The following DNM3 variants were observed in gnomAD, a reference collection of about 807,000 sequenced individuals.
DNM3 encodes dynamin 3, also known as dynamin-3.
DNM3 carries 47 observed loss-of-function variants against 101.6 expected under a neutral mutation model. The ratio of observed to expected loss-of-function variants is 0.46; its 90% CI spans 0.37 to 0.59. DNM3 has a LOEUF of 0.59. DNM3 is among the 20% of genes least tolerant of loss of function. DNM3 has a pLI of 0.00. For missense variants in DNM3, 849 were observed against 1,085.7 expected (o/e 0.78, Z 3.06); for synonymous variants, 385 against 387.9 (o/e 0.99, Z 0.09).
intron 1 of DNM3, among the ~76,000 whole-genome samples, chr1:171,871,661 A>G (rs1213604744): frequency 2.6e-5 from 4 of 152,198 alleles, no homozygotes; most frequent in African/African-American, 7.2e-5. Context: ...TATAAGTTAC[A>G]TACCCTAATT....
chr1:172,115,231 C>G (rs1390620961), intron 13 of DNM3, among the ~76,000 whole-genome samples: 2 of 151,924 alleles, frequency 1.3e-5, no homozygotes, highest in African/African-American at 2.4e-5. Context: ...CTGCAGAGAG[C>G]TCTCATTCCT....
intron 2 of DNM3, 114 bp from the exon 3 acceptor site, chr1:171,987,542 C>A: frequency 8.9e-7 from 1 of 1,128,898 alleles, no homozygotes; most frequent in Non-Finnish European, 1.2e-6. Flanking sequence ...GTGGGATGTT[C>A]ATGAAGGAAG....
At chr1:172,388,329 G>A (rs2069318258) in intron 19 of DNM3, among the ~76,000 whole-genome samples, 1 of 152,178 alleles carries the variant, frequency 6.6e-6, no homozygotes, top group Non-Finnish European at 1.5e-5. Context: ...TTATACAAAT[G>A]TAGAATACAG....
intron 1 of DNM3, among the ~76,000 whole-genome samples, chr1:171,888,533 T>G (rs974060186): frequency 6.6e-6 from 1 of 152,130 alleles, no homozygotes; most frequent in African/African-American, 2.4e-5. Context: ...TGACCTCGAG[T>G]AAATAATTTA....
At position 172,408,430 on chromosome 1, in the gene DNM3, G is replaced by C; in HGVS notation, c.*589G>C. 1.0e-6 allele frequency: 1 copy of C among 985,706 alleles called. No individual in the cohort carries two copies. Among genetic ancestry groups the C allele is most frequent in the Non-Finnish European group, 1.2e-6 (1 of 830,158 alleles). 61.1% of individuals were successfully genotyped at this position (985,706 alleles called of 1,614,324 possible). ...GCACGAGGTAGTTTGCAAAGGAAAA[G>C]TCTGCACTGTTTGCTCTAAAGAGCT... On this transcript the variant is annotated 3_prime_UTR_variant, in exon 21 of 21. Coordinates refer to ENST00000627582, the MANE Select transcript of DNM3 (RefSeq NM_015569.5).
intron 13 of DNM3, among the ~76,000 whole-genome samples, chr1:172,127,491 C>G (rs574139885): frequency 1.3e-5 from 2 of 151,446 alleles, no homozygotes; most frequent in South Asian, 2.1e-4. Context: ...TCACTGCAAC[C>G]TCTGCCTCCT....
intron 2 of DNM3, among the ~76,000 whole-genome samples, chr1:171,954,800 G>A (rs545572276): frequency 7.9e-5 from 12 of 152,300 alleles, no homozygotes; most frequent in African/African-American, 2.9e-4. Flanking sequence ...ATTTCAAGTA[G>A]AATAACTAGA....
intron 1 of DNM3, among the ~76,000 whole-genome samples, chr1:171,854,697 C>T (rs955701816): frequency 2.0e-5 from 3 of 151,970 alleles, no homozygotes; most frequent in Non-Finnish European, 4.4e-5. Flanking sequence ...CTGCCTCAGC[C>T]TCCTGAAGAG....
intron 2 of DNM3, among the ~76,000 whole-genome samples, chr1:171,983,066 A>C (rs1157253738): frequency 6.6e-6 from 1 of 151,998 alleles, no homozygotes; most frequent in Non-Finnish European, 1.5e-5. Flanking sequence ...TGAGCATGCC[A>C]TTAATTTGCC....
intron 10 of DNM3, among the ~76,000 whole-genome samples, chr1:172,061,639 A>G (rs1183346922): frequency 6.8e-5 from 10 of 146,126 alleles, no homozygotes; most frequent in African/African-American, 2.5e-4. Context: ...ATAGGTGGGA[A>G]TTGAACAATG....
Position 172,060,044 on chromosome 1 carries a change from T to G in DNM3, c.1336-8775T>G, listed in dbSNP as rs115842442. Among the ~76,000 whole-genome samples, 471 of 152,186 alleles carry G rather than the reference T, an allele frequency of 3.1e-3. 6 individuals carry two copies. Among genetic ancestry groups the G allele is most frequent in the African/African-American group, 0.01 (433 of 41,510 alleles). On this transcript the variant is annotated intron_variant, in intron 10 of 20. Coordinates refer to ENST00000627582, the MANE Select transcript of DNM3 (RefSeq NM_015569.5). Reference sequence around the variant, plus strand: ...TACAGAAATCACAAGCATTCTTATATACCAACAATCGACAAACAGAGAGCT... The same window carrying G: ...TACAGAAATCACAAGCATTCTTATAGACCAACAATCGACAAACAGAGAGCT...
chr1:172,230,478 A>G (rs1242205982), intron 14 of DNM3, among the ~76,000 whole-genome samples: 1 of 152,142 alleles, frequency 6.6e-6, no homozygotes, highest in Non-Finnish European at 1.5e-5. Flanking sequence ...TGCTCTATTG[A>G]TTTCAGGAAA....
At chr1:172,192,657 G>A (rs2059778005) in intron 14 of DNM3, among the ~76,000 whole-genome samples, 1 of 151,642 alleles carries the variant, frequency 6.6e-6, no homozygotes, top group South Asian at 2.1e-4. Context: ...ATAGTTTACT[G>A]AGAACAATGA....
At chr1:171,976,748 G>T (rs185966781) in intron 2 of DNM3, among the ~76,000 whole-genome samples, 281 of 152,210 alleles carry the variant, frequency 1.8e-3, no homozygotes, top group Non-Finnish European at 2.8e-3. Context: ...GTTTTTTGTG[G>T]TTTTTTGAGA....
chr1:172,036,625 A>G (rs1386937717), intron 6 of DNM3, among the ~76,000 whole-genome samples: 1 of 152,232 alleles, frequency 6.6e-6, no homozygotes, highest in African/African-American at 2.4e-5. Flanking sequence ...CCTTCCTTAC[A>G]CCTTATACAA....
At chr1:171,954,340 C>T (rs2042721404) in intron 2 of DNM3, among the ~76,000 whole-genome samples, 1 of 152,062 alleles carries the variant, frequency 6.6e-6, no homozygotes, top group South Asian at 2.1e-4. Context: ...GCAGTTTCTC[C>T]TTTGTGGTTA....
chr1:172,190,405 T>C (rs1054106843), intron 14 of DNM3, among the ~76,000 whole-genome samples: 1 of 152,146 alleles, frequency 6.6e-6, no homozygotes, highest in Non-Finnish European at 1.5e-5. Context: ...CTTAATCCAG[T>C]CTATCATTGA....
At chr1:171,877,816 G>T (rs2035912507) in intron 1 of DNM3, among the ~76,000 whole-genome samples, 1 of 152,156 alleles carries the variant, frequency 6.6e-6, no homozygotes, top group Admixed American at 6.5e-5. Flanking sequence ...TTACACTGAA[G>T]AATTCAAATT....
intron 14 of DNM3, among the ~76,000 whole-genome samples, chr1:172,202,943 G>A (rs904063674): frequency 3.9e-5 from 6 of 152,174 alleles, no homozygotes; most frequent in Admixed American, 3.9e-4. Flanking sequence ...AGTATTACTA[G>A]AATTATAAAA....
Sources: allele counts gnomAD v4.1 joint callset (sites outside exome capture counted in the v4.1 genomes callset), GRCh38; gene constraint gnomAD v4.1.1; transcripts MANE v1.5; gene names NCBI Gene and HGNC (gene_info 2026-07-23, HGNC 2026-07-21).